TRPM3: variants seen among roughly 807,000 people sequenced by gnomAD.
The protein encoded by TRPM3 is transient receptor potential cation channel subfamily M member 3.
In TRPM3, 77 loss-of-function variants were observed where a neutral mutation model predicts 181.2. That is an observed-to-expected ratio of 0.42 (90% CI 0.35 to 0.51). The LOEUF (loss-of-function observed/expected upper bound fraction) is 0.51, where lower values mean the gene tolerates loss of function less well. Among genes scored for constraint, TRPM3 ranks in the 20% least tolerant of loss-of-function variants. The pLI, the probability that TRPM3 is intolerant of heterozygous loss-of-function variation, is 0.01. For synonymous variants in TRPM3, 745 were observed against 796.4 expected (o/e 0.94, Z 1.09); for missense variants, 1,759 against 2,196.7 (o/e 0.80, Z 3.98).
chr9:71,302,763 A>G (rs980759932), intron 1 of TRPM3, among the ~76,000 whole-genome samples: 10 of 151,734 alleles, frequency 6.6e-5, no homozygotes, highest in Non-Finnish European at 1.3e-4. Context: ...TCAATTGCAG[A>G]ATATGGAATA....
intron 1 of TRPM3, among the ~76,000 whole-genome samples, chr9:71,284,071 C>T (rs1205435971): frequency 6.6e-6 from 1 of 151,940 alleles, no homozygotes; most frequent in Admixed American, 6.6e-5. Context: ...CTTATTTAAC[C>T]TTTGTGGTCC....
intron 1 of TRPM3, among the ~76,000 whole-genome samples, chr9:71,054,719 G>T (rs909021235): frequency 2.6e-5 from 4 of 152,102 alleles, no homozygotes; most frequent in African/African-American, 9.7e-5. Context: ...CACTAGAGAA[G>T]ATGCTTTGGA....
chr9:71,113,139 G>A (rs1234775606), intron 1 of TRPM3, among the ~76,000 whole-genome samples: 1 of 152,130 alleles, frequency 6.6e-6, no homozygotes, highest in Non-Finnish European at 1.5e-5. Context: ...CATTTTAAAT[G>A]GACCATTCTG....
At chr9:70,748,111 C>T (rs923843981) in intron 8 of TRPM3, among the ~76,000 whole-genome samples, 1 of 152,018 alleles carries the variant, frequency 6.6e-6, no homozygotes, top group Non-Finnish European at 1.5e-5. Context: ...AATTGAGAGT[C>T]TAACATGAAA....
chr9:70,761,118 C>G (rs1413771181), intron 8 of TRPM3: 3 of 275,324 alleles, frequency 1.1e-5, no homozygotes, highest in Admixed American at 9.7e-5. Context: ...TTTAGAAACA[C>G]ATTTTGCTCT....
chr9:70,807,856 A>G (rs1349440648), intron 6 of TRPM3, among the ~76,000 whole-genome samples: 1 of 152,150 alleles, frequency 6.6e-6, no homozygotes, highest in African/African-American at 2.4e-5. Context: ...AGGGAATACT[A>G]GGGATGGGAG....
At chr9:71,301,147 T>G (rs1039116787) in intron 1 of TRPM3, among the ~76,000 whole-genome samples, 1 of 152,116 alleles carries the variant, frequency 6.6e-6, no homozygotes, top group African/African-American at 2.4e-5. Context: ...GAGCAACATG[T>G]ACCAAAAATT....
intron 1 of TRPM3, among the ~76,000 whole-genome samples, chr9:71,217,364 C>T (rs906804098): frequency 3.3e-5 from 5 of 152,120 alleles, no homozygotes; most frequent in African/African-American, 9.7e-5. Flanking sequence ...TACACTTTTG[C>T]AGGCACTAAA....
At chr9:71,352,477 G>GA (rs893264855) in intron 1 of TRPM3, among the ~76,000 whole-genome samples, 18 of 150,070 alleles carry the variant, frequency 1.2e-4, no homozygotes, top group Middle Eastern at 3.4e-3. Context: ...GTTACTTACT[G>GA]AAAAAAAAAT....
chr9:70,869,210 C>G (rs2095731560), intron 1 of TRPM3, among the ~76,000 whole-genome samples: 1 of 151,966 alleles, frequency 6.6e-6, no homozygotes, highest in African/African-American at 2.4e-5. Context: ...ATTAGCCTCA[C>G]TAAGAATCCC....
At chr9:71,085,526 A>G (rs1490198538) in intron 1 of TRPM3, among the ~76,000 whole-genome samples, 1 of 152,066 alleles carries the variant, frequency 6.6e-6, no homozygotes, top group Non-Finnish European at 1.5e-5. Context: ...AAACTAGGCA[A>G]AAGACATGAA....
At chr9:70,686,702 CTTCCT>C (rs1330442899) in intron 8 of TRPM3, among the ~76,000 whole-genome samples, 1 of 96,028 alleles carries the variant, frequency 1.0e-5, no homozygotes, top group African/African-American at 4.5e-5. Context: ...TCCTTCCTTC[CTTCCT>C]TCCTTCCTTC....
intron 1 of TRPM3, among the ~76,000 whole-genome samples, chr9:71,404,540 T>G (rs1488329880): frequency 4.6e-5 from 7 of 152,224 alleles, no homozygotes; most frequent in Admixed American, 4.6e-4. Context: ...CTATGTCTTA[T>G]GTCAGACAGA....
At chr9:70,930,840 G>C (rs1391206994) in intron 1 of TRPM3, among the ~76,000 whole-genome samples, 1 of 151,942 alleles carries the variant, frequency 6.6e-6, no homozygotes, top group East Asian at 1.9e-4. Context: ...ATGTTTAGTT[G>C]AGAACAGGAA....
chr9:70,573,062 C>T (rs11142487), intron 22 of TRPM3, among the ~76,000 whole-genome samples: 13,742 of 151,996 alleles, frequency 0.09, 685 homozygotes, highest in Middle Eastern at 0.16. Flanking sequence ...TTTAAATAAA[C>T]GAGAAATTAA....
chr9:71,070,409 T>A lies in TRPM3; in HGVS notation c.177+50769A>T, dbSNP rs543672588. ...CAAGAGCAGAGAAACATATCTTTAC[T>A]TTGCTTTTAGCTCTGCACCAGGTTG... is the stretch of plus-strand genomic sequence containing the variant. On this transcript the variant is annotated intron_variant, in intron 1 of 25. Transcript: ENST00000677713. Among the ~76,000 whole-genome samples, 14 of 152,364 alleles carry A rather than the reference T, an allele frequency of 9.2e-5. No individual in the cohort carries two copies. In the South Asian group the frequency reaches 2.7e-3, roughly 29 times the overall value.
chr9:70,902,346 T>C (rs770017002), intron 1 of TRPM3, among the ~76,000 whole-genome samples: 233 of 152,306 alleles, frequency 1.5e-3, no homozygotes, highest in Non-Finnish European at 1.6e-3. Context: ...GTACTCAGGA[T>C]TTGGGATGCC....
intron 1 of TRPM3, among the ~76,000 whole-genome samples, chr9:71,372,491 C>T (rs2092547137): frequency 6.6e-6 from 1 of 152,094 alleles, no homozygotes; most frequent in South Asian, 2.1e-4. Context: ...TTCACCAGCA[C>T]CTGTTTTTGG....
intron 16 of TRPM3, 31 bp downstream of exon 16, chr9:70,620,045 C>A (rs574498233): frequency 1.9e-6 from 3 of 1,579,706 alleles, no homozygotes; most frequent in African/African-American, 1.3e-5. Context: ...TCCTCTCCCC[C>A]TGACCAGCCC....
Sources: allele counts gnomAD v4.1 joint callset (sites outside exome capture counted in the v4.1 genomes callset), GRCh38; gene constraint gnomAD v4.1.1; transcripts MANE v1.5; gene names NCBI Gene and HGNC (gene_info 2026-07-23, HGNC 2026-07-21).